The following CRTAC1 variants were observed in gnomAD, a reference collection of about 807,000 sequenced individuals.
The protein encoded by CRTAC1 is cartilage acidic protein 1, also known as acidic secreted protein in cartilage.
CRTAC1 carries 37 observed loss-of-function variants against 67.8 expected under a neutral mutation model. The observed-to-expected ratio is 0.55, with a 90% CI of 0.42 to 0.72. The LOEUF (loss-of-function observed/expected upper bound fraction) is 0.72. Ranked by LOEUF, CRTAC1 falls within the 30% of genes least tolerant of loss-of-function variation. CRTAC1 has a pLI of 0.00. For synonymous variants in CRTAC1, 348 were observed against 371.0 expected (o/e 0.94, Z 0.71); for missense variants, 780 against 931.6 (o/e 0.84, Z 2.12).
chr10:97,963,624 G>A (rs559073298), intron 2 of CRTAC1, among the ~76,000 whole-genome samples: 1 of 152,278 alleles, frequency 6.6e-6, no homozygotes, highest in African/African-American at 2.4e-5. Context: ...TTAAAACTCT[G>A]ATGGTTACTC....
At chr10:97,955,857 C>T (rs996016856) in intron 2 of CRTAC1, among the ~76,000 whole-genome samples, 1 of 152,122 alleles carries the variant, frequency 6.6e-6, no homozygotes, top group Non-Finnish European at 1.5e-5. Flanking sequence ...GACAGGAGTC[C>T]CAAAGAGGCC....
chr10:97,976,235 T>C (rs1038898675), intron 2 of CRTAC1, among the ~76,000 whole-genome samples: 3 of 152,158 alleles, frequency 2.0e-5, no homozygotes, highest in Admixed American at 6.5e-5. Flanking sequence ...CTTAACAGAG[T>C]TGATCAGTGA....
chr10:98,024,869 CA>C (rs1843195852), intron 1 of CRTAC1, among the ~76,000 whole-genome samples: 1 of 138,900 alleles, frequency 7.2e-6, no homozygotes, highest in Non-Finnish European at 1.5e-5. Flanking sequence ...CAATATTGCA[CA>C]ATGAGTCAGT....
chr10:98,020,772 C>A (rs918060686), intron 1 of CRTAC1, among the ~76,000 whole-genome samples: 6 of 152,208 alleles, frequency 3.9e-5, no homozygotes, highest in African/African-American at 1.4e-4. Flanking sequence ...GGGGCAGGGG[C>A]AGGACACCTG....
intron 3 of CRTAC1, among the ~76,000 whole-genome samples, chr10:97,928,514 GTGGGTACTATTTTCATGACCCCT>G (rs1564898736): frequency 6.6e-6 from 1 of 152,200 alleles, no homozygotes; most frequent in African/African-American, 2.4e-5. Flanking sequence ...ACCCCTCGAG[GTGGGTACTATTTTCATGACCCCT>G]TTACGTATGA....
intron 14 of CRTAC1, chr10:97,878,713 T>C: frequency 1.5e-6 from 2 of 1,303,794 alleles, no homozygotes; most frequent in Non-Finnish European, 1.0e-6. Flanking sequence ...TAACCTGAGA[T>C]GAGCCAGGCC....
chr10:97,938,608 T>C (rs552678634), intron 2 of CRTAC1, among the ~76,000 whole-genome samples: 1 of 152,330 alleles, frequency 6.6e-6, no homozygotes, highest in African/African-American at 2.4e-5. Flanking sequence ...CTGTTCATTT[T>C]TCCCCCTGGC....
intron 1 of CRTAC1, among the ~76,000 whole-genome samples, chr10:98,013,348 A>G (rs1477579854): frequency 6.6e-6 from 1 of 152,236 alleles, no homozygotes; most frequent in Non-Finnish European, 1.5e-5. Flanking sequence ...GGCCCCATTC[A>G]GGTAATATGA....
intron 13 of CRTAC1, 30 bp from the exon 14 acceptor site, chr10:97,880,422 A>T (rs2050197811): frequency 6.2e-7 from 1 of 1,606,208 alleles, no homozygotes; most frequent in Non-Finnish European, 8.5e-7. Context: ...ACTCACCATG[A>T]AGGTGTGGGG....
chr10:97,868,626 CGT>C (rs1178597268), intron 14 of CRTAC1: 1 of 152,272 alleles, frequency 6.6e-6, no homozygotes, highest in Non-Finnish European at 1.5e-5. Flanking sequence ...GAACCTGGGC[CGT>C]GTGTGGGTTG....
At chr10:97,963,564 G>A (rs2051561922) in intron 2 of CRTAC1, among the ~76,000 whole-genome samples, 1 of 152,146 alleles carries the variant, frequency 6.6e-6, no homozygotes, top group Non-Finnish European at 1.5e-5. Context: ...CACATTGTAG[G>A]TGTACAATAA....
chr10:97,931,893 G>A (rs1169110787), intron 3 of CRTAC1, among the ~76,000 whole-genome samples: 5 of 152,196 alleles, frequency 3.3e-5, no homozygotes, highest in Non-Finnish European at 7.3e-5. Flanking sequence ...TGGATGTGGA[G>A]GGAGGTGTCA....
At position 98,030,245 on chromosome 10, in the gene CRTAC1, C is replaced by T. The variant is rs1843341360; in HGVS notation, c.24+204G>A. 6.6e-6 allele frequency among the ~76,000 whole-genome samples: 1 copy of T among 152,126 alleles called. No homozygotes were observed. ...CTCCAACCCGGCCGCCGCCTCACCC[C>T]CAGCCCGCGGGGGAGGCTCCGCGCG... is the stretch of plus-strand genomic sequence containing the variant. On this transcript the variant is annotated intron_variant, in intron 1 of 14. Transcript: ENST00000370597. This position sits in a 1 kb window ranked among gnomAD's most constrained non-coding sequence, Gnocchi z 4.2.
chr10:98,024,022 T>C (rs1843173847), intron 1 of CRTAC1, among the ~76,000 whole-genome samples: 2 of 152,248 alleles, frequency 1.3e-5, no homozygotes, highest in Non-Finnish European at 1.5e-5. Flanking sequence ...TGTTAAAATT[T>C]GCACAACATG....
rs779868525 is a variant in CRTAC1 at position 97,908,018 on chromosome 10, C to T, written c.845G>A (p.Ser282Asn). 1 of 1,614,012 alleles carries T rather than the reference C, an allele frequency of 6.2e-7. No homozygotes were observed. Among genetic ancestry groups the T allele is most frequent in the African/African-American group, 1.3e-5 (1 of 74,924 alleles). The stretch of plus-strand genomic sequence containing the variant: ...GCATGGCTGCCTCCACTCACCAGCA[C>T]TGGCCGCAGCGTCCACAAAGGTGCC... ...GDGTFVDAAA[S>N]AGVDDPHQHG... is the part of the protein sequence containing the mutation. The change falls in exon 6 of 15, where the codon AGT becomes AAT. Residue 282 changes from serine (S) to asparagine (N), a missense_variant. Ser to Asn is a conservative substitution (Grantham distance 46). Transcript: ENST00000370597.
At chr10:98,012,374 T>C (rs575358662) in intron 1 of CRTAC1, among the ~76,000 whole-genome samples, 1 of 150,158 alleles carries the variant, frequency 6.7e-6, no homozygotes, top group African/African-American at 2.4e-5. Context: ...CCTGAGACTC[T>C]ACCTGCAGGC....
At chr10:97,968,481 T>C (rs895222148) in intron 2 of CRTAC1, among the ~76,000 whole-genome samples, 2 of 152,174 alleles carry the variant, frequency 1.3e-5, no homozygotes, top group Middle Eastern at 3.2e-3. Context: ...CCTGACCTTG[T>C]GATCTGCCCG....
intron 2 of CRTAC1, among the ~76,000 whole-genome samples, chr10:97,997,475 A>AT (rs1842605912): frequency 6.9e-6 from 1 of 145,686 alleles, no homozygotes; most frequent in Admixed American, 6.8e-5. Flanking sequence ...AAAAAAAAAA[A>AT]GTGTTTTCAA....
At position 97,985,307 on chromosome 10, in the gene CRTAC1, G is replaced by A. The variant is rs1350101172; in HGVS notation, c.224+25831C>T. Reference sequence around the variant, plus strand: ...CTCTATTTGTCAACATTTTTCTCACGTTGTAAATTACATTGGCCTCATTAG... The same window carrying A: ...CTCTATTTGTCAACATTTTTCTCACATTGTAAATTACATTGGCCTCATTAG... On this transcript the variant is annotated intron_variant, in intron 2 of 14. Transcript: ENST00000370597. 2.0e-5 allele frequency among the ~76,000 whole-genome samples: 3 copies of A among 152,066 alleles called. 1 individual carries two copies. In the South Asian group the frequency reaches 6.2e-4, roughly 32 times the overall value.
Sources: gnomAD v4.1 joint callset for allele counts (sites outside exome capture counted in the v4.1 genomes callset) on GRCh38, gnomAD v4.1.1 for gene constraint, Gnocchi (gnomAD v3.1) non-coding constraint, MANE v1.5 for transcripts, NCBI Gene and HGNC (gene_info 2026-07-23, HGNC 2026-07-21) for gene names.